ENTREP2: variants seen among roughly 807,000 people sequenced by gnomAD.
ENTREP2 encodes protein ENTREP2.
the ENTREP2 span, among the ~76,000 whole-genome samples, chr15:29,628,157 G>T: frequency 6.6e-6 from 1 of 152,160 alleles, no homozygotes; most frequent in Non-Finnish European, 1.5e-5. Context: ...TTTTCAATTT[G>T]GGAGGATAAT....
the ENTREP2 span, among the ~76,000 whole-genome samples, chr15:29,334,267 G>A: frequency 6.6e-6 from 1 of 152,168 alleles, no homozygotes; most frequent in Admixed American, 6.5e-5. Flanking sequence ...TCCTGCTGTT[G>A]TCACACTTCA....
chr15:29,602,427 T>A, the ENTREP2 span, among the ~76,000 whole-genome samples: 1 of 152,226 alleles, frequency 6.6e-6, no homozygotes, highest in African/African-American at 2.4e-5. Context: ...AAATGTATTT[T>A]AAGCAAAATC....
the ENTREP2 span, among the ~76,000 whole-genome samples, chr15:29,336,455 C>T: frequency 6.6e-6 from 1 of 151,868 alleles, no homozygotes; most frequent in South Asian, 2.1e-4. Flanking sequence ...GGACTATAGG[C>T]ACACACCACC....
At chr15:29,622,490 G>C in the ENTREP2 span, among the ~76,000 whole-genome samples, 1 of 152,110 alleles carries the variant, frequency 6.6e-6, no homozygotes, top group Non-Finnish European at 1.5e-5. Flanking sequence ...TTACAGGCGT[G>C]AGCCACCACG....
chr15:29,297,897 T>C, the ENTREP2 span, among the ~76,000 whole-genome samples: 1 of 152,068 alleles, frequency 6.6e-6, no homozygotes, highest in Non-Finnish European at 1.5e-5. Context: ...AAAACAAAAC[T>C]AAACTGCAGT....
chr15:29,501,563 T>C, the ENTREP2 span, among the ~76,000 whole-genome samples: 3 of 152,144 alleles, frequency 2.0e-5, no homozygotes, highest in South Asian at 2.1e-4. Context: ...AACATCATAC[T>C]TAACAGGGAA....
chr15:29,658,588 C>G, the ENTREP2 span, among the ~76,000 whole-genome samples: 31,863 of 151,848 alleles, frequency 0.21, 5,746 homozygotes, highest in African/African-American at 0.49. Flanking sequence ...TCATAGAATT[C>G]TATACTAACA....
chr15:29,638,475 G>A, the ENTREP2 span, among the ~76,000 whole-genome samples: 55 of 152,344 alleles, frequency 3.6e-4, no homozygotes, highest in Non-Finnish European at 6.0e-4. Flanking sequence ...TCAGAGTGCT[G>A]AATCAAGGTT....
chr15:29,402,273 CAT>C, the ENTREP2 span, among the ~76,000 whole-genome samples: 3 of 87,484 alleles, frequency 3.4e-5, no homozygotes, highest in Admixed American at 2.5e-4. Context: ...TATACACACA[CAT>C]ATATATGTAT....
chr15:29,119,010 C>CTT, the ENTREP2 span, among the ~76,000 whole-genome samples: 2 of 152,286 alleles, frequency 1.3e-5, no homozygotes, highest in Admixed American at 6.5e-5. Context: ...GCCCAGGATT[C>CTT]TTGGGGAACT....
the ENTREP2 span, among the ~76,000 whole-genome samples, chr15:29,603,127 G>A: frequency 1.3e-5 from 2 of 152,208 alleles, no homozygotes; most frequent in African/African-American, 4.8e-5. Flanking sequence ...TGGCAGAAGA[G>A]TCACAAAGGA....
chr15:29,566,846 T>TACAAACAC, the ENTREP2 span, among the ~76,000 whole-genome samples: 3 of 146,066 alleles, frequency 2.1e-5, no homozygotes, highest in Non-Finnish European at 4.5e-5. Flanking sequence ...AAAGGAAAAA[T>TACAAACAC]ACACACACAC....
At chr15:29,138,855 G>C in the ENTREP2 span, among the ~76,000 whole-genome samples, 7 of 152,014 alleles carry the variant, frequency 4.6e-5, no homozygotes, top group Non-Finnish European at 1.0e-4. Context: ...GCATCTGAAC[G>C]GGTCTTGAAA....
the ENTREP2 span, among the ~76,000 whole-genome samples, chr15:29,664,280 T>G: frequency 6.6e-6 from 1 of 152,306 alleles, no homozygotes; most frequent in African/African-American, 2.4e-5. Flanking sequence ...AGGTGCACTC[T>G]GGTCTGTGGT....
At chr15:29,304,775 T>C in the ENTREP2 span, among the ~76,000 whole-genome samples, 3 of 152,118 alleles carry the variant, frequency 2.0e-5, no homozygotes, top group African/African-American at 7.2e-5. Flanking sequence ...CACTGCTCAC[T>C]TCCCTCTAGC....
At chr15:29,196,320 T>TA in the ENTREP2 span, 2 of 1,232,268 alleles carry the variant, frequency 1.6e-6, no homozygotes, top group Non-Finnish European at 2.3e-6. Flanking sequence ...GCACTGAACC[T>TA]ACCCCGGGAA....
the ENTREP2 span, among the ~76,000 whole-genome samples, chr15:29,400,736 C>T: frequency 3.3e-5 from 5 of 152,296 alleles, no homozygotes; most frequent in Admixed American, 1.3e-4. Flanking sequence ...AAAATGTATA[C>T]GTTTATGGCT....
chr15:29,404,693 G>C, the ENTREP2 span, among the ~76,000 whole-genome samples: 1 of 151,626 alleles, frequency 6.6e-6, no homozygotes, highest in Admixed American at 6.6e-5. Flanking sequence ...CATCCTCCAG[G>C]GTACCCTAAG....
chr15:29,444,886 G>A, the ENTREP2 span, among the ~76,000 whole-genome samples: 1 of 152,202 alleles, frequency 6.6e-6, no homozygotes, highest in Non-Finnish European at 1.5e-5. Context: ...CGGCCACTCA[G>A]GCTGAGACCC....
Sources: gnomAD v4.1 joint callset for allele counts (sites outside exome capture counted in the v4.1 genomes callset) on GRCh38, gnomAD v4.1.1 for gene constraint, MANE v1.5 for transcripts, NCBI Gene and HGNC (gene_info 2026-07-23, HGNC 2026-07-21) for gene names.